ADRA1A: variants seen among roughly 807,000 people sequenced by gnomAD.
ADRA1A encodes the protein alpha-1A adrenergic receptor.
A neutral mutation model predicts 29.6 loss-of-function variants in ADRA1A; 31 were observed. The observed-to-expected ratio is 1.05, with a 90% CI of 0.79 to 1.41. ADRA1A has a LOEUF of 1.41. ADRA1A is among the 40% of genes most tolerant of loss of function. The pLI is 0.00. For synonymous variants in ADRA1A, 311 were observed against 254.3 expected (o/e 1.22, Z -2.12); for missense variants, 619 against 601.1 (o/e 1.03, Z -0.31).
rs1805951863 is a variant in ADRA1A at position 26,769,093 on chromosome 8, T to C, written c.*1056A>G. On this transcript the variant is annotated 3_prime_UTR_variant, in exon 3 of 3. Transcript: ENST00000380573. ...CATTCCAACATGCCACAGGTGAAGCTCATTCATTATGCAATAGTGAAGCAG... is the reference window on the plus strand; with the variant it reads ...CATTCCAACATGCCACAGGTGAAGCCCATTCATTATGCAATAGTGAAGCAG... 2 of 985,324 alleles carry C rather than the reference T, an allele frequency of 2.0e-6. No individual in the cohort carries two copies. Among genetic ancestry groups the C allele is most frequent in the Non-Finnish European group, 1.2e-6 (1 of 829,918 alleles). The allele number at this position is 985,324 out of a possible 1,614,324, so 61.0% of individuals were successfully genotyped here. A position where few individuals can be genotyped will look rare whatever the true frequency, so the allele number is the denominator to read the frequency against.
intron 2 of ADRA1A, among the ~76,000 whole-genome samples, chr8:26,800,905 A>G (rs1229396669): frequency 2.0e-5 from 3 of 152,196 alleles, no homozygotes; most frequent in African/African-American, 7.2e-5. Context: ...CAAATTCAAC[A>G]ACATATTAAA....
rs778801248 is a variant in ADRA1A at position 26,860,143 on chromosome 8, TCTC to T, written c.883+3941_883+3943del. Among the ~76,000 whole-genome samples the T allele has an allele frequency of 1.3e-5, 2 of 151,896 alleles. No homozygotes were observed. Among genetic ancestry groups the T allele is most frequent in the Admixed American group, 6.6e-5 (1 of 15,240 alleles). On this transcript the variant is annotated intron_variant, in intron 2 of 2. Transcript: ENST00000380573. The surrounding 1 kb of genome is among the most constrained non-coding windows in gnomAD (Gnocchi z 4.7). ...ACCACTTCTCTCCACCACAACATCT[TCTC>T]CTCCACACTGCTGACTCCCTGGGAG...
At chr8:26,804,519 G>A (rs1231447043) in intron 2 of ADRA1A, among the ~76,000 whole-genome samples, 1 of 152,206 alleles carries the variant, frequency 6.6e-6, no homozygotes, top group Non-Finnish European at 1.5e-5. Flanking sequence ...TTTCTTCATT[G>A]TAGGAGTCTA....
At chr8:26,846,495 G>A (rs1035696773) in intron 2 of ADRA1A, among the ~76,000 whole-genome samples, 31 of 152,180 alleles carry the variant, frequency 2.0e-4, no homozygotes, top group African/African-American at 6.8e-4. Flanking sequence ...TGGGCCAGGC[G>A]CAGTGGCTCA....
chr8:26,836,772 T>A (rs1258460668), intron 2 of ADRA1A, among the ~76,000 whole-genome samples: 1 of 152,202 alleles, frequency 6.6e-6, no homozygotes, highest in Non-Finnish European at 1.5e-5. Flanking sequence ...TGAGAAATTT[T>A]AAACAAAATC....
exon 3 of ADRA1A, chr8:26,748,581 A>C (rs1160931462): frequency 7.2e-6 from 3 of 414,374 alleles, no homozygotes; most frequent in Non-Finnish European, 1.4e-5. Flanking sequence ...TCTACTAAAA[A>C]TACAAAAATT....
rs1813809846 is a variant in ADRA1A, at chr8:26,865,100, G to A, written c.-131C>T. 3 of 1,494,170 alleles carry A rather than the reference G, an allele frequency of 2.0e-6. No individual in the cohort carries two copies. In the Admixed American group the frequency reaches 7.1e-5, roughly 35 times the overall value. 92.6% of individuals were successfully genotyped at this position (1,494,170 alleles called of 1,614,324 possible). A position where few individuals can be genotyped will look rare whatever the true frequency, so the allele number is the denominator to read the frequency against. ...GAGCCCTGCCAGGTGGGTTTGGCTG[G>A]GGGTGAGAGCGCGCGCGCGGGTGGG... On this transcript the variant is annotated 5_prime_UTR_variant, in exon 2 of 3. Transcript: ENST00000380573. This position sits in a 1 kb window ranked among gnomAD's most constrained non-coding sequence, Gnocchi z 7.6.
chr8:26,756,957 TC>T, intron 2 of ADRA1A: 3 of 918,666 alleles, frequency 3.3e-6, no homozygotes, highest in Non-Finnish European at 5.0e-6. Flanking sequence ...AAGTTGAGGA[TC>T]CCTCTCATTT....
rs956782504 is a variant in ADRA1A, at chr8:26,848,517, C to A, written c.883+15570G>T. On this transcript the variant is annotated intron_variant, in intron 2 of 2. Transcript: ENST00000380573. This position sits in a 1 kb window ranked among gnomAD's most constrained non-coding sequence, Gnocchi z 4.3. ...ACCATCTGTGACCTAGCAGGAGAACCCTCACCAAGAGCCTGACAATGCTAG... is the reference window on the plus strand; with the variant it reads ...ACCATCTGTGACCTAGCAGGAGAACACTCACCAAGAGCCTGACAATGCTAG... Among the ~76,000 whole-genome samples the A allele has an allele frequency of 1.3e-5, 2 of 152,124 alleles. No individual in the cohort carries two copies. The highest frequency in any genetic ancestry group is 2.4e-5 in the African/African-American group (1 of 41,418).
In ADRA1A at chr8:26,757,512, T is replaced by TCC. The variant is rs1428337716; in HGVS notation, c.1270-735_1270-734dup. Among the ~76,000 whole-genome samples, 911 of 147,176 alleles carry TCC rather than the reference T, an allele frequency of 6.2e-3. 19 individuals carry two copies. Among genetic ancestry groups the TCC allele is most frequent in the East Asian group, 0.027 (120 of 4,480 alleles). On this transcript the variant is annotated intron_variant, in intron 2 of 2. Transcript: ENST00000380582. ...CAAGTCTGTCCCTTTTGCTTCCATT[T>TCC]CCCCCACCCCCCACCTCTGCTCCAT...
chr8:26,851,712 G>A (rs1378480593), intron 2 of ADRA1A, among the ~76,000 whole-genome samples: 1 of 152,048 alleles, frequency 6.6e-6, no homozygotes, highest in African/African-American at 2.4e-5. Flanking sequence ...AGATATTATT[G>A]ATTTGATCTT....
rs764547734 is a variant in ADRA1A at position 26,864,142 on chromosome 8, G to A, written c.828C>T (p.Ile276=). 2.5e-6 allele frequency: 4 copies of A among 1,614,052 alleles called. No individual in the cohort carries two copies. The highest frequency in any genetic ancestry group is 2.5e-6 in the Non-Finnish European group (3 of 1,180,052). Residue 276 remains isoleucine (I), a synonymous_variant, in exon 2 of 3, where the codon ATC becomes ATT. Coordinates refer to ENST00000380573, the MANE Select transcript of ADRA1A (RefSeq NM_000680.4). This position sits in a 1 kb window ranked among gnomAD's most constrained non-coding sequence, Gnocchi z 8.1. ...REKKAAKTLG[I]VVGCFVLCWL... ...AGCAGAGGACGAAGCAGCCGACCAC[G>A]ATGCCCAGCGTTTTGGCCGCTTTCT... is the stretch of plus-strand genomic sequence containing the variant.
Position 26,865,674 on chromosome 8 carries a change from A to G in ADRA1A, c.-686-19T>C. The stretch of plus-strand genomic sequence containing the variant: ...CGTCCACCTGAAAGAGCGCAAAGAG[A>G]AAGGCGGCTTTGAGCTAGGCGCCCC... On this transcript the variant is annotated intron_variant, in intron 1 of 2. Coordinates refer to ENST00000380573, the MANE Select transcript of ADRA1A (RefSeq NM_000680.4). This position sits in a 1 kb window ranked among gnomAD's most constrained non-coding sequence, Gnocchi z 7.6. 1.0e-6 allele frequency: 1 copy of G among 986,044 alleles called. No homozygotes were observed. The highest frequency in any genetic ancestry group is 1.2e-6 in the Non-Finnish European group (1 of 830,518). The allele number at this position is 986,044 out of a possible 1,614,324, so 61.1% of individuals were successfully genotyped here. A position where few individuals can be genotyped will look rare whatever the true frequency, so the allele number is the denominator to read the frequency against.
rs756351673 is a variant in ADRA1A at position 26,864,758 on chromosome 8, G to T, written c.212C>A (p.Ala71Asp). The change falls in exon 2 of 3, where the codon GCC becomes GAC. Residue 71 changes from alanine (A) to aspartate (D), a missense_variant. By Grantham distance (126) the Ala-to-Asp change is moderately radical (BLOSUM62 -2). Coordinates refer to ENST00000380573, the MANE Select transcript of ADRA1A (RefSeq NM_000680.4). The surrounding 1 kb of genome is among the most constrained non-coding windows in gnomAD (Gnocchi z 8.1). ...CACCGTGGAGGTGAGCAGGAGGTCG[G>T]CCACCGCCAGGTTGACGATGTAGTA... ...THYYIVNLAV[A>D]DLLLTSTVLP... The T allele has an allele frequency of 5.6e-6, 9 of 1,614,066 alleles. No individual in the cohort carries two copies. The East Asian group carries it at 1.8e-4, about 32-fold the overall frequency.
chr8:26,858,423 C>T (rs1446199944), intron 2 of ADRA1A, among the ~76,000 whole-genome samples: 1 of 152,164 alleles, frequency 6.6e-6, no homozygotes, highest in Admixed American at 6.5e-5. Flanking sequence ...GTCTGTGAAT[C>T]ATTTGAATTC....
In ADRA1A at chr8:26,770,159, TC is replaced by T. The variant is rs776937254; in HGVS notation, c.1390del (p.Glu464ArgfsTer14). 3.9e-6 allele frequency: 6 copies of T among 1,552,590 alleles called. No individual in the cohort carries two copies. The African/African-American group carries it at 6.8e-5, about 18-fold the overall frequency. On this transcript the variant is annotated frameshift_variant, in exon 3 of 3. Transcript: ENST00000380573. LOFTEE classifies it high-confidence loss of function. ...TGCATCTTTCCTGTCCTAGACTTCC[TC>T]CCCGTTCTCACTGAGGGAGATGGTG... is the stretch of plus-strand genomic sequence containing the variant. Reference protein sequence around the residue: ...VHTISLSENGEEV With the variant: ...VHTISLSENGXEV
chr8:26,845,429 A>T (rs546319178), intron 2 of ADRA1A, among the ~76,000 whole-genome samples: 2 of 152,352 alleles, frequency 1.3e-5, no homozygotes, highest in Admixed American at 1.3e-4. Flanking sequence ...ATTTTAAAAA[A>T]TGACAAGTAA....
intron 2 of ADRA1A, among the ~76,000 whole-genome samples, chr8:26,834,104 C>T (rs1206842286): frequency 6.6e-6 from 1 of 152,086 alleles, no homozygotes; most frequent in Non-Finnish European, 1.5e-5. Context: ...TTCTTATATG[C>T]CAGCATTAAT....
rs1813918633 is a variant in ADRA1A at position 26,866,554 on chromosome 8, G to A, written c.-687+382C>T. Among the ~76,000 whole-genome samples the A allele has an allele frequency of 6.6e-6, 1 of 152,158 alleles. No individual in the cohort carries two copies. The highest frequency in any genetic ancestry group is 1.5e-5 in the Non-Finnish European group (1 of 68,038). ...TTCCACAACTGCGAACCTACCGCAGGGACTCGGCAGGACAGCGCGGCGTGA... is the reference window on the plus strand; with the variant it reads ...TTCCACAACTGCGAACCTACCGCAGAGACTCGGCAGGACAGCGCGGCGTGA... On this transcript the variant is annotated intron_variant, in intron 1 of 2. Coordinates refer to ENST00000380573, the MANE Select transcript of ADRA1A (RefSeq NM_000680.4). The surrounding 1 kb of genome is among the most constrained non-coding windows in gnomAD (Gnocchi z 5.7).
Sources: allele counts gnomAD v4.1 joint callset (sites outside exome capture counted in the v4.1 genomes callset), GRCh38; gene constraint gnomAD v4.1.1; non-coding constraint Gnocchi (gnomAD v3.1); transcripts MANE v1.5; gene names NCBI Gene and HGNC (gene_info 2026-07-23, HGNC 2026-07-21).